OSBPL5: variants seen among roughly 807,000 people sequenced by gnomAD.
The protein encoded by OSBPL5 is oxysterol-binding protein-related protein 5.
Under a neutral mutation model 111.2 loss-of-function variants are expected in OSBPL5, and 71 were observed. The observed-to-expected ratio is 0.64, with a 90% CI of 0.53 to 0.78. OSBPL5 has a LOEUF of 0.78. Among genes scored for constraint, OSBPL5 ranks in the 30% least tolerant of loss-of-function variants. OSBPL5 has a pLI of 0.00. For synonymous variants in OSBPL5, 549 were observed against 513.9 expected (o/e 1.07, Z -0.93); for missense variants, 1,210 against 1,189.3 (o/e 1.02, Z -0.26).
At position 3,141,074 on chromosome 11, in the gene OSBPL5, C is replaced by A. The variant is rs922484061; in HGVS notation, c.-21-11905G>T. 6.6e-6 allele frequency among the ~76,000 whole-genome samples: 1 copy of A among 151,512 alleles called. No homozygotes were observed. The highest frequency in any genetic ancestry group is 2.4e-5 in the African/African-American group (1 of 41,006). Reference sequence around the variant, plus strand: ...GCCCAATGCCTTGTACGAAGAGGCCCCCAAAACAGGAATAAAAACCACCTA... The same window carrying A: ...GCCCAATGCCTTGTACGAAGAGGCCACCAAAACAGGAATAAAAACCACCTA... On this transcript the variant is annotated intron_variant, in intron 1 of 21. Coordinates refer to ENST00000263650, the MANE Select transcript of OSBPL5 (RefSeq NM_020896.4). The surrounding 1 kb of genome is among the most constrained non-coding windows in gnomAD (Gnocchi z 6.5).
In OSBPL5 at chr11:3,099,767, C is replaced by T. The variant is rs150878190; in HGVS notation, c.1621+391G>A. On this transcript the variant is annotated intron_variant, in intron 14 of 21. Transcript: ENST00000263650. Reference sequence around the variant, plus strand: ...AATAGCATCTACATGGAATTACCCACCTTCAAAAGTCATGGGCGAGGCTGG... The same window carrying T: ...AATAGCATCTACATGGAATTACCCATCTTCAAAAGTCATGGGCGAGGCTGG... 3.2e-3 allele frequency among the ~76,000 whole-genome samples: 492 copies of T among 152,246 alleles called. 3 individuals are homozygous for T. The highest frequency in any genetic ancestry group is 0.011 in the African/African-American group (465 of 41,534).
Position 3,113,527 on chromosome 11 carries a change from C to T in OSBPL5, c.692-5582G>A, listed in dbSNP as rs1346278797. ...AAAATTAGCCAGGTGTGTTGGCAGG[C>T]ACCTGTAATCCCAGCTACTCGTGAG... is the stretch of plus-strand genomic sequence containing the variant. On this transcript the variant is annotated intron_variant, in intron 7 of 21. Coordinates refer to ENST00000263650, the MANE Select transcript of OSBPL5 (RefSeq NM_020896.4). The surrounding 1 kb of genome is among the most constrained non-coding windows in gnomAD (Gnocchi z 4.8). Among the ~76,000 whole-genome samples, 5 of 152,030 alleles carry T rather than the reference C, an allele frequency of 3.3e-5. No homozygotes were observed. Among genetic ancestry groups the T allele is most frequent in the African/African-American group, 4.8e-5 (2 of 41,376 alleles).
intron 15 of OSBPL5, 21 bp downstream of exon 15, chr11:3,094,216 C>G (rs766492306): frequency 6.2e-7 from 1 of 1,610,472 alleles, no homozygotes; most frequent in Non-Finnish European, 8.5e-7. Flanking sequence ...CTCGTCTCCC[C>G]CAGGCTGCAG....
rs991590730 is a variant in OSBPL5, at chr11:3,140,952, A to C, written c.-21-11783T>G. Among the ~76,000 whole-genome samples, 2 of 151,852 alleles carry C rather than the reference A, an allele frequency of 1.3e-5. No homozygotes were observed. The highest frequency in any genetic ancestry group is 2.4e-5 in the African/African-American group (1 of 41,338). On this transcript the variant is annotated intron_variant, in intron 1 of 21. Coordinates refer to ENST00000263650, the MANE Select transcript of OSBPL5 (RefSeq NM_020896.4). This position sits in a 1 kb window ranked among gnomAD's most constrained non-coding sequence, Gnocchi z 4.5. ...CCACCTCAGAGCCACTCCTTCCCCG[A>C]TGCCATCTGTCAAGGGTCAGGGGTC...
At chr11:3,097,553 C>G (rs563298382) in intron 14 of OSBPL5, among the ~76,000 whole-genome samples, 1 of 152,290 alleles carries the variant, frequency 6.6e-6, no homozygotes, top group East Asian at 1.9e-4. Context: ...ACAAAACTAG[C>G]AAATTAGAAT....
rs769255827 is a variant in OSBPL5 at position 3,102,169 on chromosome 11, A to AGCG, written c.1425+13_1425+14insCGC. On this transcript the variant is annotated intron_variant, in intron 12 of 21. Transcript: ENST00000263650. Reference sequence around the variant, plus strand: ...GCCCAGCACCCAGGCCGGTTGCAGCAGAGGTGCTCTTGCCTGCTCTGCTAT... The same window carrying AGCG: ...GCCCAGCACCCAGGCCGGTTGCAGCAGCGGAGGTGCTCTTGCCTGCTCTGCTAT... 1.3e-5 allele frequency: 21 copies of AGCG among 1,580,350 alleles called. No homozygotes were observed. The South Asian group carries it at 2.4e-4, about 18-fold the overall frequency.
chr11:3,101,704 G>A lies in OSBPL5; in HGVS notation c.1426-5C>T, dbSNP rs537293929. The A allele has an allele frequency of 2.3e-4, 377 of 1,611,466 alleles. 2 individuals carry two copies. The South Asian group carries it at 3.0e-3, about 13-fold the overall frequency. Reference sequence around the variant, plus strand: ...CACGGGCGGGTGGTGGGACACCTGCGTGCAGGGAGGCGGCTCTGTAAACAG... The same window carrying A: ...CACGGGCGGGTGGTGGGACACCTGCATGCAGGGAGGCGGCTCTGTAAACAG... On this transcript the variant is annotated splice_region_variant and splice_polypyrimidine_tract_variant and intron_variant, in intron 12 of 21. Transcript: ENST00000263650.
chr11:3,107,549 A>G lies in OSBPL5; in HGVS notation c.867-94T>C. 1.4e-6 allele frequency: 2 copies of G among 1,442,436 alleles called. No individual in the cohort carries two copies. Among genetic ancestry groups the G allele is most frequent in the Non-Finnish European group, 1.9e-6 (2 of 1,044,272 alleles). The allele number at this position is 1,442,436 out of a possible 1,614,324, so 89.4% of individuals were successfully genotyped here. A position where few individuals can be genotyped will look rare whatever the true frequency, so the allele number is the denominator to read the frequency against. On this transcript the variant is annotated intron_variant, in intron 8 of 21. Coordinates refer to ENST00000263650, the MANE Select transcript of OSBPL5 (RefSeq NM_020896.4). This position sits in a 1 kb window ranked among gnomAD's most constrained non-coding sequence, Gnocchi z 6.1. Reference sequence around the variant, plus strand: ...CACCCCTCGCTGCTCCGCACTTCACATACGTTCCTGCCTGTCGTCACCTCC... The same window carrying G: ...CACCCCTCGCTGCTCCGCACTTCACGTACGTTCCTGCCTGTCGTCACCTCC...
At chr11:3,152,011 G>A (rs954598198) in intron 1 of OSBPL5, among the ~76,000 whole-genome samples, 1 of 152,252 alleles carries the variant, frequency 6.6e-6, no homozygotes, top group African/African-American at 2.4e-5. Context: ...AGTACAGGTG[G>A]CCTTCACCAT....
chr11:3,112,075 A>ATGTGTGTG (rs137958534), intron 7 of OSBPL5, among the ~76,000 whole-genome samples: 1 of 137,002 alleles, frequency 7.3e-6, no homozygotes, highest in South Asian at 2.4e-4. Context: ...GTGTGTGTGC[A>ATGTGTGTG]TGTGTGTGTG....
chr11:3,127,790 CA>C (rs1448198897), intron 2 of OSBPL5, among the ~76,000 whole-genome samples: 1 of 152,186 alleles, frequency 6.6e-6, no homozygotes, highest in Non-Finnish European at 1.5e-5. Flanking sequence ...GTGCCCTGGG[CA>C]GGGGGAAGTC....
chr11:3,129,206 GC>G (rs1347832500), intron 1 of OSBPL5, 37 bp from the exon 2 acceptor site: 5 of 1,358,416 alleles, frequency 3.7e-6, no homozygotes, highest in Non-Finnish European at 3.8e-6. Context: ...GGAGGTCACC[GC>G]CCCGGAAGGG....
intron 21 of OSBPL5, among the ~76,000 whole-genome samples, chr11:3,089,297 G>C (rs142570890): frequency 6.6e-6 from 1 of 152,374 alleles, no homozygotes; most frequent in Non-Finnish European, 1.5e-5. Context: ...CAGCCAGTGA[G>C]ACCCTCAGCC....
rs975200010 is a variant in OSBPL5, at chr11:3,107,553, G to A, written c.867-98C>T. The A allele has an allele frequency of 1.1e-5, 15 of 1,426,732 alleles. No individual in the cohort carries two copies. The highest frequency in any genetic ancestry group is 2.5e-5 in the South Asian group (2 of 79,658). 88.4% of individuals were successfully genotyped at this position (1,426,732 alleles called of 1,614,324 possible). A position where few individuals can be genotyped will look rare whatever the true frequency, so the allele number is the denominator to read the frequency against. ...CCTCGCTGCTCCGCACTTCACATACGTTCCTGCCTGTCGTCACCTCCACAA... is the reference window on the plus strand; with the variant it reads ...CCTCGCTGCTCCGCACTTCACATACATTCCTGCCTGTCGTCACCTCCACAA... On this transcript the variant is annotated intron_variant, in intron 8 of 21. Coordinates refer to ENST00000263650, the MANE Select transcript of OSBPL5 (RefSeq NM_020896.4). The surrounding 1 kb of genome is among the most constrained non-coding windows in gnomAD (Gnocchi z 6.1).
At chr11:3,143,357 C>T (rs990515896) in intron 1 of OSBPL5, among the ~76,000 whole-genome samples, 1 of 152,158 alleles carries the variant, frequency 6.6e-6, no homozygotes, top group African/African-American at 2.4e-5. Context: ...ACGGACGCGA[C>T]ACACCCAAGA....
intron 7 of OSBPL5, among the ~76,000 whole-genome samples, chr11:3,119,086 T>C (rs1391468413): frequency 6.6e-6 from 1 of 151,966 alleles, no homozygotes. Context: ...CTTGGATTGC[T>C]GCAACTTCCA....
At chr11:3,144,512 C>T (rs1431774876) in intron 1 of OSBPL5, among the ~76,000 whole-genome samples, 1 of 152,244 alleles carries the variant, frequency 6.6e-6, no homozygotes, top group Non-Finnish European at 1.5e-5. Context: ...CCGGGACCAG[C>T]TGACCTCTGC....
At chr11:3,114,617 T>TTA (rs1370505836) in intron 7 of OSBPL5, among the ~76,000 whole-genome samples, 3 of 147,980 alleles carry the variant, frequency 2.0e-5, no homozygotes, top group African/African-American at 5.0e-5. Context: ...TTTTTTTTTT[T>TTA]AGACAGAGTC....
intron 1 of OSBPL5, chr11:3,164,241 G>A (rs1017908060): frequency 6.6e-6 from 1 of 152,364 alleles, no homozygotes; most frequent in Non-Finnish European, 1.5e-5. Flanking sequence ...CGGCAAGAGA[G>A]GAAATCCACC....
Sources: gnomAD v4.1 joint callset for allele counts (sites outside exome capture counted in the v4.1 genomes callset) on GRCh38, gnomAD v4.1.1 for gene constraint, Gnocchi (gnomAD v3.1) non-coding constraint, MANE v1.5 for transcripts, NCBI Gene and HGNC (gene_info 2026-07-23, HGNC 2026-07-21) for gene names.